Variants in FER observed in about 807,000 individuals in gnomAD.
FER encodes FER tyrosine kinase, also known as tyrosine-protein kinase Fer.
A neutral mutation model predicts 111.0 loss-of-function variants in FER; 63 were observed. That is an observed-to-expected ratio of 0.57 (90% CI 0.46 to 0.70). The LOEUF (loss-of-function observed/expected upper bound fraction) is 0.70. Among genes scored for constraint, FER ranks in the 30% least tolerant of loss-of-function variants. The probability of loss-of-function intolerance (pLI) is 0.00; values close to 1 mark genes in which losing one functional copy is unlikely to be tolerated. For missense variants in FER, 914 were observed against 954.0 expected (o/e 0.96, Z 0.55); for synonymous variants, 327 against 313.9 (o/e 1.04, Z -0.44).
At chr5:109,085,264 A>G (rs1777434776) in intron 16 of FER, among the ~76,000 whole-genome samples, 1 of 151,810 alleles carries the variant, frequency 6.6e-6, no homozygotes, top group Admixed American at 6.6e-5. Flanking sequence ...TGTACTTATC[A>G]GTATAAAGGT....
intron 17 of FER, among the ~76,000 whole-genome samples, chr5:109,126,321 C>A (rs963578562): frequency 5.3e-5 from 8 of 152,130 alleles, no homozygotes; most frequent in African/African-American, 1.7e-4. Flanking sequence ...AGCACTCTAG[C>A]CTTCATTCCT....
At chr5:108,807,341 T>C (rs1343211835) in intron 3 of FER, among the ~76,000 whole-genome samples, 1 of 152,242 alleles carries the variant, frequency 6.6e-6, no homozygotes, top group African/African-American at 2.4e-5. Context: ...ATATTCCTGA[T>C]TCAATCTTGA....
chr5:108,875,632 T>G (rs1315043172), intron 8 of FER, among the ~76,000 whole-genome samples: 1 of 152,184 alleles, frequency 6.6e-6, no homozygotes, highest in Non-Finnish European at 1.5e-5. Context: ...GTTTCGTGCT[T>G]TTTGTCATTA....
chr5:108,944,314 T>C (rs1308205222), intron 10 of FER, among the ~76,000 whole-genome samples: 1 of 152,202 alleles, frequency 6.6e-6, no homozygotes, highest in Non-Finnish European at 1.5e-5. Context: ...AGGTATTATT[T>C]AATAACATTG....
intron 17 of FER, among the ~76,000 whole-genome samples, chr5:109,124,003 ATCAC>A (rs1751348376): frequency 6.6e-6 from 1 of 152,040 alleles, no homozygotes; most frequent in Admixed American, 6.6e-5. Context: ...ACCGAGGTAG[ATCAC>A]TGAGTCCAGG....
intron 13 of FER, among the ~76,000 whole-genome samples, chr5:108,966,823 A>G (rs1356493732): frequency 2.6e-5 from 4 of 152,084 alleles, no homozygotes; most frequent in Admixed American, 6.6e-5. Flanking sequence ...CCCCTCCCCC[A>G]TTTCTTGTTG....
At chr5:108,993,409 C>T (rs1297669752) in intron 13 of FER, among the ~76,000 whole-genome samples, 1 of 152,166 alleles carries the variant, frequency 6.6e-6, no homozygotes, top group Non-Finnish European at 1.5e-5. Flanking sequence ...CGTGGCCGCG[C>T]GCGCCTGCAA....
In FER at chr5:109,173,978, C is replaced by T. The variant is rs567868051; in HGVS notation, c.2049-6769C>T. ...CAGTTGATAGCTGCATTCAAAGAGG[C>T]GGGACTTCTGTTTTCATCCTCCCAG... On this transcript the variant is annotated intron_variant, in intron 17 of 19. Transcript: ENST00000281092. Among the ~76,000 whole-genome samples the T allele has an allele frequency of 2.0e-4, 30 of 152,220 alleles. No individual in the cohort carries two copies. The East Asian group carries it at 4.8e-3, about 25-fold the overall frequency.
chr5:109,040,337 C>G (rs555119063), intron 14 of FER, among the ~76,000 whole-genome samples: 1 of 152,046 alleles, frequency 6.6e-6, no homozygotes, highest in Non-Finnish European at 1.5e-5. Context: ...GCCTTGCCCA[C>G]TCGAACATTA....
chr5:108,947,098 G>A (rs1237250336), intron 11 of FER, among the ~76,000 whole-genome samples: 1 of 151,912 alleles, frequency 6.6e-6, no homozygotes, highest in African/African-American at 2.4e-5. Flanking sequence ...TTCACCAGCT[G>A]ATGGACATTT....
intron 17 of FER, among the ~76,000 whole-genome samples, chr5:109,143,274 T>G (rs1753716395): frequency 6.6e-6 from 1 of 152,166 alleles, no homozygotes; most frequent in Non-Finnish European, 1.5e-5. Flanking sequence ...GAAAAGAGTT[T>G]ACTGTATGCC....
chr5:109,067,407 G>T lies in FER; in HGVS notation c.1924+20209G>T, dbSNP rs1181494731. 2.6e-5 allele frequency among the ~76,000 whole-genome samples: 4 copies of T among 152,034 alleles called. No individual in the cohort carries two copies. The East Asian group carries it at 5.8e-4, about 22-fold the overall frequency. Reference sequence around the variant, plus strand: ...TACTTTTTGTGGGATTTTTATTGTTGTTATTTTTGTTTGTTTAGTTCTGTT... The same window carrying T: ...TACTTTTTGTGGGATTTTTATTGTTTTTATTTTTGTTTGTTTAGTTCTGTT... On this transcript the variant is annotated intron_variant, in intron 16 of 19. Transcript: ENST00000281092.
chr5:108,752,156 T>A (rs1750576504), intron 1 of FER, among the ~76,000 whole-genome samples: 1 of 152,110 alleles, frequency 6.6e-6, no homozygotes, highest in Admixed American at 6.5e-5. Context: ...AGTTGTAGAT[T>A]CAGTGAACTC....
At chr5:108,794,294 T>A (rs1229199924) in intron 2 of FER, among the ~76,000 whole-genome samples, 1 of 151,676 alleles carries the variant, frequency 6.6e-6, no homozygotes, top group Non-Finnish European at 1.5e-5. Flanking sequence ...CTTGGCTCAC[T>A]GCAATCTCCG....
Position 109,156,180 on chromosome 5 carries a change from A to T in FER, c.2049-24567A>T, listed in dbSNP as rs375939886. Among the ~76,000 whole-genome samples the T allele has an allele frequency of 2.0e-5, 3 of 152,124 alleles. 1 individual carries two copies. The highest frequency in any genetic ancestry group is 7.2e-5 in the African/African-American group (3 of 41,546). On this transcript the variant is annotated intron_variant, in intron 17 of 19. Coordinates refer to ENST00000281092, the MANE Select transcript of FER (RefSeq NM_005246.4). ...TAGACAACGCTTAAAGCAAGCTAAT[A>T]CCAGAGACAAGCCAGGAGGTAAGAG...
intron 13 of FER, among the ~76,000 whole-genome samples, chr5:109,006,234 T>G (rs1765475774): frequency 6.6e-6 from 1 of 152,216 alleles, no homozygotes; most frequent in Non-Finnish European, 1.5e-5. Flanking sequence ...GAGTTTTCAT[T>G]GAGCAGTTAT....
chr5:109,183,887 A>G lies in FER; in HGVS notation c.2204-2313A>G, dbSNP rs909053825. 2.6e-5 allele frequency among the ~76,000 whole-genome samples: 4 copies of G among 152,198 alleles called. No homozygotes were observed. The East Asian group carries it at 7.7e-4, about 29-fold the overall frequency. On this transcript the variant is annotated intron_variant, in intron 18 of 19. Coordinates refer to ENST00000281092, the MANE Select transcript of FER (RefSeq NM_005246.4). ...AATACTAAAGGGCCTTCCCAGCCCT[A>G]TTGCTAGCCAGATCATTTTCCTTCC... is the stretch of plus-strand genomic sequence containing the variant.
Position 108,867,846 on chromosome 5 carries a change from G to C in FER, c.561G>C (p.Leu187Phe). The C allele has an allele frequency of 6.2e-7, 1 of 1,612,564 alleles. No homozygotes were observed. Among genetic ancestry groups the C allele is most frequent in the Non-Finnish European group, 8.5e-7 (1 of 1,179,420 alleles). ...ATATGTTGCACAATCAGTATGTATT[G>C]GCGTTGAAAGGGGCACAGCTCCATC... is the stretch of plus-strand genomic sequence containing the variant. ...KLHMLHNQYV[L>F]ALKGAQLHQN... The change falls in exon 6 of 20, where the codon TTG becomes TTC. Residue 187 changes from leucine to phenylalanine, a missense_variant. Coordinates refer to ENST00000281092, the MANE Select transcript of FER (RefSeq NM_005246.4).
intron 13 of FER, among the ~76,000 whole-genome samples, chr5:109,022,323 C>T (rs1768041395): frequency 6.6e-6 from 1 of 151,974 alleles, no homozygotes; most frequent in Non-Finnish European, 1.5e-5. Context: ...TTGGAATATA[C>T]AGGAAGGAGA....
Sources: gnomAD v4.1 joint callset for allele counts (sites outside exome capture counted in the v4.1 genomes callset) on GRCh38, gnomAD v4.1.1 for gene constraint, MANE v1.5 for transcripts, NCBI Gene and HGNC (gene_info 2026-07-23, HGNC 2026-07-21) for gene names.